Variants in LGALSL observed in about 807,000 individuals in gnomAD.
LGALSL encodes the protein galectin-related protein.
LGALSL carries 13 observed loss-of-function variants against 19.5 expected under a neutral mutation model. The ratio of observed to expected loss-of-function variants is 0.67; its 90% CI spans 0.43 to 1.06. LGALSL has a LOEUF of 1.06. Ranked by LOEUF, LGALSL falls within the 50% of genes least tolerant of loss-of-function variation. The probability of loss-of-function intolerance (pLI) is 0.00; values close to 1 mark genes in which losing one functional copy is unlikely to be tolerated. For synonymous variants in LGALSL, 86 were observed against 78.3 expected (o/e 1.10, Z -0.52); for missense variants, 189 against 219.3 (o/e 0.86, Z 0.87).
Position 64,458,602 on chromosome 2 carries a change from G to A in LGALSL, c.*174G>A, listed in dbSNP as rs929055120. On this transcript the variant is annotated 3_prime_UTR_variant, in exon 5 of 5. Transcript: ENST00000238875. ...AAAGCTGTTGGGACAAAGACACCGAGCCATTATACCCAGAATAAAATAATA... is the reference window on the plus strand; with the variant it reads ...AAAGCTGTTGGGACAAAGACACCGAACCATTATACCCAGAATAAAATAATA... 4 of 568,568 alleles carry A rather than the reference G, an allele frequency of 7.0e-6. No homozygotes were observed. The East Asian group carries it at 1.2e-4, about 17-fold the overall frequency. The allele number at this position is 568,568 out of a possible 1,614,324, so 35.2% of individuals were successfully genotyped here.
At position 64,454,685 on chromosome 2, in the gene LGALSL, CGGCGCCCGGCGCGTGGGAA is replaced by C. The variant is rs1226221707; in HGVS notation, c.36+114_36+132del. 11 of 847,336 alleles carry C rather than the reference CGGCGCCCGGCGCGTGGGAA, an allele frequency of 1.3e-5. No individual in the cohort carries two copies. In the Admixed American group the frequency reaches 5.1e-4, roughly 39 times the overall value. The allele number at this position is 847,336 out of a possible 1,614,324, so 52.5% of individuals were successfully genotyped here. A position where few individuals can be genotyped will look rare whatever the true frequency, so the allele number is the denominator to read the frequency against. On this transcript the variant is annotated intron_variant, in intron 1 of 4. Transcript: ENST00000238875. This position sits in a 1 kb window ranked among gnomAD's most constrained non-coding sequence, Gnocchi z 5.1. ...GGTGCTGAGCAGCCGCAGGCCCGGC[CGGCGCCCGGCGCGTGGGAA>C]GGCGCCCGGTACCTGTTAGCAGCCG...
intron 2 of LGALSL, 45 bp downstream of exon 2, chr2:64,455,460 C>G (rs750315522): frequency 5.8e-6 from 9 of 1,543,926 alleles, no homozygotes; most frequent in Admixed American, 5.0e-5. Flanking sequence ...TTCCTCCTTT[C>G]TCATTGCTTT....
intron 4 of LGALSL, among the ~76,000 whole-genome samples, chr2:64,457,832 C>T (rs563315243): frequency 3.1e-4 from 47 of 152,254 alleles, no homozygotes; most frequent in Non-Finnish European, 7.4e-5. Flanking sequence ...AGTGATGAAC[C>T]TTAATGCATA....
At position 64,454,567 on chromosome 2, in the gene LGALSL, A is replaced by C. The variant is rs1408879714; in HGVS notation, c.22A>C (p.Ser8Arg). 2.1e-6 allele frequency: 3 copies of C among 1,451,686 alleles called. No homozygotes were observed. The highest frequency in any genetic ancestry group is 2.7e-6 in the Non-Finnish European group (3 of 1,099,304). The allele number at this position is 1,451,686 out of a possible 1,614,324, so 89.9% of individuals were successfully genotyped here. MAGSVAD[S>R]DAVVKLDDGH... is the part of the protein sequence containing the mutation. The stretch of plus-strand genomic sequence containing the variant: ...GAAGATGGCGGGATCAGTGGCCGAC[A>C]GCGATGCCGTGGTGGTGAGTGTGGC... Residue 8 changes from serine to arginine, a missense_variant, in exon 1 of 5, where the codon AGC becomes CGC. By Grantham distance (110) the Ser-to-Arg change is moderately radical. This residue lies in a region of LGALSL where 62 missense variants were observed against 49.0 expected (regional missense o/e 1.27). Coordinates refer to ENST00000238875, the MANE Select transcript of LGALSL (RefSeq NM_014181.3). This position sits in a 1 kb window ranked among gnomAD's most constrained non-coding sequence, Gnocchi z 5.1.
At chr2:64,457,102 GCCCCTT>G (rs942206930) in intron 4 of LGALSL, among the ~76,000 whole-genome samples, 1 of 152,186 alleles carries the variant, frequency 6.6e-6, no homozygotes, top group African/African-American at 2.4e-5. Flanking sequence ...AGCATTAGCA[GCCCCTT>G]CCTCTATGAA....
In LGALSL at chr2:64,458,376, C is replaced by T. The variant is rs748064854; in HGVS notation, c.467C>T (p.Ala156Val). Residue 156 changes from alanine (A) to valine (V), a missense_variant, in exon 5 of 5, where the codon GCA (alanine) becomes GTA (valine). By Grantham distance (64) the Ala-to-Val change is moderately conservative. Transcript: ENST00000238875. ...TACCATCGCATTCAAACGTTATCTG[C>T]AATTGACACCATAAAGATAAATGGA... Reference protein sequence around the residue: ...DFYHRIQTLSAIDTIKINGDL... With the variant: ...DFYHRIQTLSVIDTIKINGDL... 1.6e-5 allele frequency: 26 copies of T among 1,613,696 alleles called. No homozygotes were observed. The highest frequency in any genetic ancestry group is 1.9e-5 in the Non-Finnish European group (22 of 1,179,726).
rs201699278 is a variant in LGALSL at position 64,458,273 on chromosome 2, T to G, written c.376-12T>G. The G allele has an allele frequency of 6.2e-7, 1 of 1,612,518 alleles. No individual in the cohort carries two copies. Among genetic ancestry groups the G allele is most frequent in the East Asian group, 2.2e-5 (1 of 44,874 alleles). On this transcript the variant is annotated splice_polypyrimidine_tract_variant and intron_variant, in intron 4 of 4. Transcript: ENST00000238875. ...TCATTGAAATTGTGGATTATTATTT[T>G]GTTTCTTCCAGGTGGAAATTCTTTG...
At chr2:64,455,931 T>C (rs2103707005) in intron 3 of LGALSL, among the ~76,000 whole-genome samples, 1 of 68,038 alleles carries the variant, frequency 1.5e-5, no homozygotes, top group East Asian at 3.7e-3. Context: ...CCAGAGGATT[T>C]TTTTTTTTTT....
intron 4 of LGALSL, 87 bp from the exon 5 acceptor site, chr2:64,458,198 C>T (rs2103709743): frequency 8.0e-7 from 1 of 1,254,314 alleles, no homozygotes; most frequent in East Asian, 2.3e-5. Context: ...ACTGAAGATA[C>T]TGCCTTTCTT....
Position 64,460,858 on chromosome 2 carries a change from G to A in LGALSL, c.*2430G>A, listed in dbSNP as rs1196803543. On this transcript the variant is annotated 3_prime_UTR_variant, in exon 5 of 5. Transcript: ENST00000238875. ...ATGTAAGGTGTTATTTCTGACCAGA[G>A]CCCTAGTTCTGCAATAACCAAAACC... The A allele has an allele frequency of 2.0e-5, 3 of 152,144 alleles. No individual in the cohort carries two copies. The highest frequency in any genetic ancestry group is 4.4e-5 in the Non-Finnish European group (3 of 68,016). The allele number at this position is 152,144 out of a possible 1,614,324, so 9.4% of individuals were successfully genotyped here. A position where few individuals can be genotyped will look rare whatever the true frequency, so the allele number is the denominator to read the frequency against.
chr2:64,454,423 T>A lies in LGALSL; in HGVS notation c.-123T>A. The A allele has an allele frequency of 5.7e-6, 2 of 349,520 alleles. No homozygotes were observed. The highest frequency in any genetic ancestry group is 9.5e-6 in the Non-Finnish European group (2 of 211,078). The allele number at this position is 349,520 out of a possible 1,614,324, so 21.7% of individuals were successfully genotyped here. A position where few individuals can be genotyped will look rare whatever the true frequency, so the allele number is the denominator to read the frequency against. ...CCCGGGCGCGCGCGCGCGCGCCCCC[T>A]CGTGTGTGCGCGCGCCCGCCGCCAG... is the stretch of plus-strand genomic sequence containing the variant. On this transcript the variant is annotated 5_prime_UTR_variant, in exon 1 of 5. Transcript: ENST00000238875. This position sits in a 1 kb window ranked among gnomAD's most constrained non-coding sequence, Gnocchi z 5.1.
rs1249907279 is a variant in LGALSL, at chr2:64,454,533, G to T, written c.-13G>T. ...CGCCGCGTCCCACGTACCCCGCCGC[G>T]CCGGGCAAGAAGATGGCGGGATCAG... On this transcript the variant is annotated 5_prime_UTR_variant, in exon 1 of 5. Transcript: ENST00000238875. The surrounding 1 kb of genome is among the most constrained non-coding windows in gnomAD (Gnocchi z 5.1). 1.4e-6 allele frequency: 2 copies of T among 1,424,454 alleles called. No individual in the cohort carries two copies. Among genetic ancestry groups the T allele is most frequent in the African/African-American group, 3.0e-5 (2 of 67,516 alleles). 88.2% of individuals were successfully genotyped at this position (1,424,454 alleles called of 1,614,324 possible). A position where few individuals can be genotyped will look rare whatever the true frequency, so the allele number is the denominator to read the frequency against.
chr2:64,454,719 G>A lies in LGALSL; in HGVS notation c.36+138G>A, dbSNP rs879382909. ...GCGCGTGGGAAGGCGCCCGGTACCT[G>A]TTAGCAGCCGCTGGCTGCGCGCGGC... On this transcript the variant is annotated intron_variant, in intron 1 of 4. Coordinates refer to ENST00000238875, the MANE Select transcript of LGALSL (RefSeq NM_014181.3). The surrounding 1 kb of genome is among the most constrained non-coding windows in gnomAD (Gnocchi z 5.1). 2.1e-6 allele frequency: 1 copy of A among 487,590 alleles called. No homozygotes were observed. The highest frequency in any genetic ancestry group is 3.1e-6 in the Non-Finnish European group (1 of 321,438). 30.2% of individuals were successfully genotyped at this position (487,590 alleles called of 1,614,324 possible). A position where few individuals can be genotyped will look rare whatever the true frequency, so the allele number is the denominator to read the frequency against.
At position 64,460,906 on chromosome 2, in the gene LGALSL, G is replaced by C. The variant is rs190194790; in HGVS notation, c.*2478G>C. 1.3e-5 allele frequency: 2 copies of C among 152,274 alleles called. No individual in the cohort carries two copies. Among genetic ancestry groups the C allele is most frequent in the East Asian group, 3.9e-4 (2 of 5,188 alleles). The allele number at this position is 152,274 out of a possible 1,614,324, so 9.4% of individuals were successfully genotyped here. ...ACCAAGGAGTATAAATAACAATCAG[G>C]CTCTGGGGGAATAGAAAGCAGGCTT... is the stretch of plus-strand genomic sequence containing the variant. On this transcript the variant is annotated 3_prime_UTR_variant, in exon 5 of 5. Coordinates refer to ENST00000238875, the MANE Select transcript of LGALSL (RefSeq NM_014181.3).
intron 4 of LGALSL, among the ~76,000 whole-genome samples, chr2:64,457,821 T>C (rs2103709425): frequency 6.6e-6 from 1 of 152,304 alleles, no homozygotes; most frequent in South Asian, 2.1e-4. Flanking sequence ...GATAGTTTCT[T>C]AGTGATGAAC....
intron 4 of LGALSL, among the ~76,000 whole-genome samples, chr2:64,457,741 C>T (rs1284163365): frequency 6.6e-6 from 1 of 152,022 alleles, no homozygotes; most frequent in Non-Finnish European, 1.5e-5. Flanking sequence ...TGGAAGGCAC[C>T]CTTGACCCAT....
At chr2:64,455,552 G>C in intron 2 of LGALSL, 37 bp from the exon 3 acceptor site, 1 of 1,577,322 alleles carries the variant, frequency 6.3e-7, no homozygotes, top group Non-Finnish European at 8.7e-7. Flanking sequence ...TCCCTAACAG[G>C]CTGTAAAATT....
At position 64,456,333 on chromosome 2, in the gene LGALSL, C is replaced by G. The variant is rs748412439; in HGVS notation, c.243C>G (p.Ala81=). ...LTCGDSEDPP[A]DVAIELKAVF... Reference sequence around the variant, plus strand: ...GTGGGGACTCAGAAGACCCTCCTGCCGATGTGGCAATCGAACTCAAAGCTG... The same window carrying G: ...GTGGGGACTCAGAAGACCCTCCTGCGGATGTGGCAATCGAACTCAAAGCTG... Residue 81 remains alanine (A), a synonymous_variant, in exon 4 of 5, where the codon GCC becomes GCG. Coordinates refer to ENST00000238875, the MANE Select transcript of LGALSL (RefSeq NM_014181.3). The G allele has an allele frequency of 6.2e-7, 1 of 1,612,028 alleles. No individual in the cohort carries two copies. The highest frequency in any genetic ancestry group is 1.3e-5 in the African/African-American group (1 of 74,872).
chr2:64,454,551 G>C lies in LGALSL; in HGVS notation c.6G>C (p.Ala2=), dbSNP rs1686698640. The C allele has an allele frequency of 1.4e-6, 2 of 1,447,656 alleles. No homozygotes were observed. Among genetic ancestry groups the C allele is most frequent in the African/African-American group, 1.5e-5 (1 of 68,122 alleles). 89.7% of individuals were successfully genotyped at this position (1,447,656 alleles called of 1,614,324 possible). A position where few individuals can be genotyped will look rare whatever the true frequency, so the allele number is the denominator to read the frequency against. ...CCGCCGCGCCGGGCAAGAAGATGGC[G>C]GGATCAGTGGCCGACAGCGATGCCG... M[A]GSVADSDAVV... is the part of the protein sequence containing the mutation. Residue 2 remains alanine, a synonymous_variant, in exon 1 of 5, where the codon GCG becomes GCC. Coordinates refer to ENST00000238875, the MANE Select transcript of LGALSL (RefSeq NM_014181.3). This position sits in a 1 kb window ranked among gnomAD's most constrained non-coding sequence, Gnocchi z 5.1.
Sources: gnomAD v4.1 joint callset for allele counts (sites outside exome capture counted in the v4.1 genomes callset) on GRCh38, gnomAD v4.1.1 for gene constraint, gnomAD v4.1.1 regional missense constraint, Gnocchi (gnomAD v3.1) non-coding constraint, MANE v1.5 for transcripts, NCBI Gene and HGNC (gene_info 2026-07-23, HGNC 2026-07-21) for gene names.